The following SLC9C2 variants were observed in gnomAD, a reference collection of about 807,000 sequenced individuals.
The protein encoded by SLC9C2 is sodium/hydrogen exchanger 11.
SLC9C2 carries 75 observed loss-of-function variants against 140.2 expected under a neutral mutation model. The observed-to-expected ratio is 0.53, with a 90% CI of 0.44 to 0.65. The LOEUF (loss-of-function observed/expected upper bound fraction) is 0.65, where lower values mean the gene tolerates loss of function less well. Ranked by LOEUF, SLC9C2 falls within the 30% of genes least tolerant of loss-of-function variation. The pLI, the probability that SLC9C2 is intolerant of heterozygous loss-of-function variation, is 0.00. For synonymous variants in SLC9C2, 375 were observed against 420.9 expected, an observed-to-expected ratio of 0.89 and a Z score of 1.34; for missense variants, 1,074 against 1,331.8, an observed-to-expected ratio of 0.81 and a Z score of 3.01.
At chr1:173,568,449 A>G (rs1268966121) in intron 9 of SLC9C2, among the ~76,000 whole-genome samples, 1 of 152,182 alleles carries the variant, frequency 6.6e-6, no homozygotes. Flanking sequence ...TGTTCCACAA[A>G]AGACATGATC....
At chr1:173,541,125 A>G (rs1662367035) in intron 13 of SLC9C2, among the ~76,000 whole-genome samples, 1 of 152,128 alleles carries the variant, frequency 6.6e-6, no homozygotes, top group African/African-American at 2.4e-5. Flanking sequence ...CACATGCAGA[A>G]ACACACATAC....
At chr1:173,554,315 A>G (rs1450902493) in intron 11 of SLC9C2, among the ~76,000 whole-genome samples, 1 of 151,570 alleles carries the variant, frequency 6.6e-6, no homozygotes, top group Non-Finnish European at 1.5e-5. Flanking sequence ...ATTGCCACAC[A>G]CCCCTCCCCC....
intron 23 of SLC9C2, among the ~76,000 whole-genome samples, chr1:173,512,999 C>T (rs905108993): frequency 3.9e-5 from 6 of 152,140 alleles, no homozygotes; most frequent in African/African-American, 9.7e-5. Flanking sequence ...GGGATGAAGC[C>T]GACTTGATTG....
At chr1:173,590,678 G>A (rs1666109136) in intron 4 of SLC9C2, among the ~76,000 whole-genome samples, 1 of 152,056 alleles carries the variant, frequency 6.6e-6, no homozygotes, top group Non-Finnish European at 1.5e-5. Flanking sequence ...ATGAACACAA[G>A]CACTGTGATA....
At chr1:173,561,466 A>T (rs1218067344) in intron 9 of SLC9C2, among the ~76,000 whole-genome samples, 1 of 152,236 alleles carries the variant, frequency 6.6e-6, no homozygotes. Context: ...TAGCTGAATC[A>T]GCATCCTCTG....
chr1:173,545,391 C>A (rs536555358), intron 13 of SLC9C2, among the ~76,000 whole-genome samples: 1 of 152,316 alleles, frequency 6.6e-6, no homozygotes, highest in South Asian at 2.1e-4. Flanking sequence ...TGGATTATTT[C>A]CTATGGAAAC....
intron 9 of SLC9C2, among the ~76,000 whole-genome samples, chr1:173,569,645 T>C (rs769609165): frequency 6.6e-6 from 1 of 152,134 alleles, no homozygotes; most frequent in Non-Finnish European, 1.5e-5. Context: ...TATTCTTTTT[T>C]CTTTTGCGTC....
chr1:173,575,516 A>T (rs963927715), intron 8 of SLC9C2, among the ~76,000 whole-genome samples: 2 of 152,162 alleles, frequency 1.3e-5, no homozygotes, highest in Non-Finnish European at 2.9e-5. Flanking sequence ...TTTCATTCAC[A>T]TACGCACAAA....
chr1:173,602,608 G>T (rs2102291259), intron 1 of SLC9C2, 143 bp downstream of exon 1: 1 of 152,332 alleles, frequency 6.6e-6, no homozygotes, highest in South Asian at 2.1e-4. Context: ...ACCTCAGCTG[G>T]TGCTCTGTGT....
At chr1:173,599,758 C>A (rs1323532820) in intron 3 of SLC9C2, among the ~76,000 whole-genome samples, 1 of 152,038 alleles carries the variant, frequency 6.6e-6, no homozygotes, top group Non-Finnish European at 1.5e-5. Flanking sequence ...CATGGGCCAC[C>A]CCTCCTAGCT....
chr1:173,511,534 T>A (rs1660056975), intron 23 of SLC9C2, among the ~76,000 whole-genome samples: 1 of 152,220 alleles, frequency 6.6e-6, no homozygotes, highest in South Asian at 2.1e-4. Context: ...TTGTTTAAGT[T>A]CCTTGTAGAT....
intron 17 of SLC9C2, among the ~76,000 whole-genome samples, chr1:173,532,942 A>C (rs1661687922): frequency 6.6e-6 from 1 of 152,164 alleles, no homozygotes; most frequent in Non-Finnish European, 1.5e-5. Flanking sequence ...GAGTACATAC[A>C]ATATACAGTA....
At chr1:173,567,053 T>C (rs1311267782) in intron 9 of SLC9C2, among the ~76,000 whole-genome samples, 2 of 152,132 alleles carry the variant, frequency 1.3e-5, no homozygotes, top group Non-Finnish European at 2.9e-5. Flanking sequence ...TTTCAGCTTT[T>C]TTGAACCTTT....
chr1:173,569,343 T>A (rs1664696038), intron 9 of SLC9C2, among the ~76,000 whole-genome samples: 1 of 151,986 alleles, frequency 6.6e-6, no homozygotes, highest in Admixed American at 6.6e-5. Flanking sequence ...TGGTGCTTCA[T>A]TGTAAGTGGC....
At chr1:173,563,760 T>G (rs969572215) in intron 9 of SLC9C2, among the ~76,000 whole-genome samples, 3 of 152,192 alleles carry the variant, frequency 2.0e-5, no homozygotes, top group African/African-American at 7.2e-5. Flanking sequence ...AATTATCAAC[T>G]ATAGTCACCC....
chr1:173,557,565 A>G (rs905024418), intron 9 of SLC9C2, 57 bp from the exon 10 acceptor site: 12 of 1,494,656 alleles, frequency 8.0e-6, no homozygotes, highest in Non-Finnish European at 1.1e-5. Context: ...TGTTATTCAT[A>G]GTTGAAAGCA....
intron 11 of SLC9C2, among the ~76,000 whole-genome samples, chr1:173,550,414 T>TA (rs1212696042): frequency 5.3e-5 from 8 of 149,794 alleles, no homozygotes; most frequent in African/African-American, 2.0e-4. Context: ...TTTTTTTATT[T>TA]TTTTATTTTA....
At chr1:173,588,451 G>C (rs1486142992) in intron 4 of SLC9C2, among the ~76,000 whole-genome samples, 3 of 152,022 alleles carry the variant, frequency 2.0e-5, no homozygotes, top group Non-Finnish European at 2.9e-5. Context: ...TTCCATCTCT[G>C]TCTTTTGTTT....
intron 9 of SLC9C2, among the ~76,000 whole-genome samples, chr1:173,560,270 A>G (rs1433647068): frequency 6.6e-6 from 1 of 152,208 alleles, no homozygotes; most frequent in Non-Finnish European, 1.5e-5. Flanking sequence ...TATAGTGGAT[A>G]TTGTGGTGTT....
Sources: allele counts gnomAD v4.1 joint callset (sites outside exome capture counted in the v4.1 genomes callset), GRCh38; gene constraint gnomAD v4.1.1; transcripts MANE v1.5; gene names NCBI Gene and HGNC (gene_info 2026-07-23, HGNC 2026-07-21).